PRKAR1B: variants seen among roughly 807,000 people sequenced by gnomAD.
PRKAR1B encodes cAMP-dependent protein kinase type I-beta regulatory subunit.
Under a neutral mutation model 46.5 loss-of-function variants are expected in PRKAR1B, and 22 were observed. That is an observed-to-expected ratio of 0.47 (90% CI 0.34 to 0.68). PRKAR1B has a LOEUF of 0.68. PRKAR1B is among the 30% of genes least tolerant of loss of function. The probability of loss-of-function intolerance (pLI) is 0.01; values close to 1 mark genes in which losing one functional copy is unlikely to be tolerated. For missense variants in PRKAR1B, 445 were observed against 535.6 expected, an observed-to-expected ratio of 0.83 and a Z score of 1.67; for synonymous variants, 259 against 217.7, an observed-to-expected ratio of 1.19 and a Z score of -1.67.
At chr7:641,336 T>G (rs1025617415) in intron 4 of PRKAR1B, among the ~76,000 whole-genome samples, 8 of 152,146 alleles carry the variant, frequency 5.3e-5, no homozygotes, top group African/African-American at 1.9e-4. Context: ...AAACGTACGT[T>G]CACACAGACA....
intron 7 of PRKAR1B, among the ~76,000 whole-genome samples, chr7:588,291 A>T (rs1322349926): frequency 1.3e-5 from 2 of 152,272 alleles, no homozygotes; most frequent in Non-Finnish European, 2.9e-5. Context: ...GGACAAGTAC[A>T]GGTTTGAATG....
At chr7:585,900 A>G (rs1780567645) in intron 7 of PRKAR1B, among the ~76,000 whole-genome samples, 1 of 137,684 alleles carries the variant, frequency 7.3e-6, no homozygotes, top group Non-Finnish European at 1.6e-5. Context: ...TGTTTTGCAA[A>G]TTCCCGTAAT....
intron 2 of PRKAR1B, among the ~76,000 whole-genome samples, chr7:705,326 AAG>A (rs1215878710): frequency 6.8e-6 from 1 of 147,442 alleles, no homozygotes; most frequent in Non-Finnish European, 1.5e-5. Flanking sequence ...AAAAAGAAAA[AAG>A]AAAAAAAAAA....
intron 4 of PRKAR1B, among the ~76,000 whole-genome samples, chr7:637,185 G>A (rs1784157765): frequency 6.6e-6 from 1 of 152,216 alleles, no homozygotes; most frequent in Non-Finnish European, 1.5e-5. Flanking sequence ...TCCTCGGGAG[G>A]CTGAGGTGGG....
intron 4 of PRKAR1B, among the ~76,000 whole-genome samples, chr7:649,056 C>G (rs766252833): frequency 1.3e-5 from 2 of 151,822 alleles, no homozygotes; most frequent in African/African-American, 4.8e-5. Flanking sequence ...CTCAGCTACT[C>G]GGGAGGCTGA....
chr7:604,224 C>T (rs1781855862), intron 6 of PRKAR1B, among the ~76,000 whole-genome samples: 1 of 152,222 alleles, frequency 6.6e-6, no homozygotes, highest in Non-Finnish European at 1.5e-5. Context: ...GCCGCATCCT[C>T]CTCTGTCTTC....
At chr7:578,090 T>C (rs1316053540) in intron 9 of PRKAR1B, among the ~76,000 whole-genome samples, 1 of 152,140 alleles carries the variant, frequency 6.6e-6, no homozygotes. Flanking sequence ...GGTGCACGGG[T>C]GGGCGTGGCT....
intron 2 of PRKAR1B, among the ~76,000 whole-genome samples, chr7:701,696 A>G (rs73047933): frequency 0.14 from 21,777 of 152,232 alleles, 1,702 homozygotes; most frequent in South Asian, 0.22. Flanking sequence ...ACCATAAAGA[A>G]CAATGGGAAG....
At chr7:621,253 GA>G (rs1476933234) in intron 4 of PRKAR1B, among the ~76,000 whole-genome samples, 1 of 152,188 alleles carries the variant, frequency 6.6e-6, no homozygotes, top group East Asian at 1.9e-4. Context: ...CCATCAGAAA[GA>G]ACCCTTTGGG....
At chr7:727,182 C>T (rs1047526717) in intron 1 of PRKAR1B, 28 bp downstream of exon 1, 3 of 1,341,848 alleles carry the variant, frequency 2.2e-6, no homozygotes, top group African/African-American at 3.1e-5. Context: ...TGGCCGTGGA[C>T]CTGTGCGGCG....
intron 8 of PRKAR1B, among the ~76,000 whole-genome samples, chr7:581,302 CAAAAAAAA>C (rs758386135): frequency 6.8e-5 from 7 of 103,154 alleles, no homozygotes; most frequent in Non-Finnish European, 6.0e-5. Flanking sequence ...CACTCTGTCT[CAAAAAAAA>C]AAAAAAAAAA....
At chr7:573,563 T>C (rs1779649388) in intron 9 of PRKAR1B, among the ~76,000 whole-genome samples, 1 of 151,896 alleles carries the variant, frequency 6.6e-6, no homozygotes, top group Non-Finnish European at 1.5e-5. Context: ...AAGCAGCTGT[T>C]CCCAACACAA....
At chr7:623,530 C>G (rs1479847823) in intron 4 of PRKAR1B, among the ~76,000 whole-genome samples, 1 of 152,256 alleles carries the variant, frequency 6.6e-6, no homozygotes, top group Non-Finnish European at 1.5e-5. Context: ...CTCACACCCA[C>G]CACCCCATGG....
chr7:601,476 T>C (rs1375558148), intron 6 of PRKAR1B, among the ~76,000 whole-genome samples: 3 of 152,246 alleles, frequency 2.0e-5, no homozygotes, highest in African/African-American at 7.2e-5. Context: ...CATGCCACTT[T>C]TTCATTCCAG....
chr7:705,306 T>TAAAAAAAAAA (rs1166269903), intron 2 of PRKAR1B, among the ~76,000 whole-genome samples: 1 of 109,234 alleles, frequency 9.2e-6, no homozygotes, highest in African/African-American at 3.4e-5. Context: ...CTGTCTCAAT[T>TAAAAAAAAAA]AAAAAAAAAA....
chr7:677,557 G>T (rs1778406379), intron 3 of PRKAR1B, among the ~76,000 whole-genome samples: 1 of 152,162 alleles, frequency 6.6e-6, no homozygotes, highest in Non-Finnish European at 1.5e-5. Flanking sequence ...CTCCCAAGTA[G>T]CTGGGACCAC....
At chr7:702,306 G>GA (rs924928362) in intron 2 of PRKAR1B, among the ~76,000 whole-genome samples, 10 of 149,970 alleles carry the variant, frequency 6.7e-5, no homozygotes, top group South Asian at 2.1e-4. Flanking sequence ...AGAAACATAG[G>GA]AAAAAAAACA....
chr7:727,077 C>T lies in PRKAR1B; in HGVS notation c.-23+133G>A. ...GCGATGCCCTGCCGCGCCTGCTGCCCGCGCTCGCCGCGCGCTTGGCCGGCC... is the reference window on the plus strand; with the variant it reads ...GCGATGCCCTGCCGCGCCTGCTGCCTGCGCTCGCCGCGCGCTTGGCCGGCC... On this transcript the variant is annotated intron_variant, in intron 1 of 10. Transcript: ENST00000537384. The T allele has an allele frequency of 9.6e-7, 1 of 1,040,314 alleles. No individual in the cohort carries two copies. Among genetic ancestry groups the T allele is most frequent in the South Asian group, 4.4e-5 (1 of 22,698 alleles). The allele number at this position is 1,040,314 out of a possible 1,614,324, so 64.4% of individuals were successfully genotyped here.
intron 4 of PRKAR1B, among the ~76,000 whole-genome samples, chr7:660,033 T>C (rs1367864213): frequency 6.6e-6 from 1 of 152,014 alleles, no homozygotes; most frequent in African/African-American, 2.4e-5. Flanking sequence ...TGACAAAGGC[T>C]CTAGGCTCTC....
Sources: allele counts gnomAD v4.1 joint callset (sites outside exome capture counted in the v4.1 genomes callset), GRCh38; gene constraint gnomAD v4.1.1; transcripts MANE v1.5; gene names NCBI Gene and HGNC (gene_info 2026-07-23, HGNC 2026-07-21).